TUSC3: variants seen among roughly 807,000 people sequenced by gnomAD.
TUSC3 encodes the protein tumor suppressor candidate 3, also known as dolichyl-diphosphooligosaccharide--protein glycosyltransferase subunit TUSC3.
A neutral mutation model predicts 44.8 loss-of-function variants in TUSC3; 45 were observed. The ratio of observed to expected loss-of-function variants is 1.00; its 90% confidence interval spans 0.79 to 1.29. The LOEUF (loss-of-function observed/expected upper bound fraction) is 1.29. Ranked by LOEUF, TUSC3 falls within the 50% of genes most tolerant of loss-of-function variation. TUSC3 has a pLI of 0.00. For missense variants in TUSC3, 519 were observed against 437.9 expected, an observed-to-expected ratio of 1.19 and a Z score of -1.65; for synonymous variants, 212 against 152.9, an observed-to-expected ratio of 1.39 and a Z score of -2.85.
At chr8:15,734,316 G>A (rs1251030344) in intron 7 of TUSC3, among the ~76,000 whole-genome samples, 2 of 152,100 alleles carry the variant, frequency 1.3e-5, no homozygotes, top group Admixed American at 6.5e-5. Flanking sequence ...AACAGATGGA[G>A]CATTTTGTAT....
intron 1 of TUSC3, among the ~76,000 whole-genome samples, chr8:15,599,823 G>C (rs2129154059): frequency 6.6e-6 from 1 of 150,998 alleles, no homozygotes; most frequent in African/African-American, 2.4e-5. Context: ...TAACTTTGTA[G>C]TGTATGTTGA....
At chr8:15,643,301 C>T (rs544651688) in intron 2 of TUSC3, among the ~76,000 whole-genome samples, 24 of 152,218 alleles carry the variant, frequency 1.6e-4, no homozygotes, top group African/African-American at 5.8e-4. Context: ...TGGACTAATA[C>T]AGTAAGAAAA....
chr8:15,793,480 G>T, the TUSC3 span, among the ~76,000 whole-genome samples: 5 of 150,120 alleles, frequency 3.3e-5, no homozygotes, highest in Non-Finnish European at 5.9e-5. Context: ...GCTCACCACT[G>T]ACCTCTCTTC....
intron 2 of TUSC3, among the ~76,000 whole-genome samples, chr8:15,626,238 C>T (rs1327332499): frequency 6.6e-6 from 1 of 152,198 alleles, no homozygotes; most frequent in Non-Finnish European, 1.5e-5. Context: ...TGTCACCTGC[C>T]ACTTCTACGG....
intron 9 of TUSC3, among the ~76,000 whole-genome samples, chr8:15,752,984 G>A (rs992137918): frequency 6.6e-5 from 10 of 151,842 alleles, no homozygotes; most frequent in Non-Finnish European, 1.5e-4. Flanking sequence ...TGAAACAAAA[G>A]GAAATCTACA....
chr8:15,646,561 T>G (rs1460543423), intron 2 of TUSC3, among the ~76,000 whole-genome samples: 4 of 152,062 alleles, frequency 2.6e-5, no homozygotes, highest in Non-Finnish European at 5.9e-5. Context: ...TAAATTACAT[T>G]TTAGTATTCA....
At chr8:15,681,340 C>A (rs935467215) in intron 6 of TUSC3, among the ~76,000 whole-genome samples, 3 of 151,538 alleles carry the variant, frequency 2.0e-5, no homozygotes, top group Non-Finnish European at 4.4e-5. Flanking sequence ...ATTACTGATT[C>A]AATTTCAGAA....
At chr8:15,735,739 G>A (rs1022406426) in intron 7 of TUSC3, among the ~76,000 whole-genome samples, 8 of 151,890 alleles carry the variant, frequency 5.3e-5, no homozygotes, top group African/African-American at 1.7e-4. Flanking sequence ...CTTCTTGGTC[G>A]CCCAGGCTGG....
chr8:15,417,476 G>A (rs1304852336), intron 1 of TUSC3, among the ~76,000 whole-genome samples: 6 of 152,208 alleles, frequency 3.9e-5, no homozygotes, highest in Admixed American at 3.9e-4. Flanking sequence ...CAGGTGTCAA[G>A]AGAGGAGGCT....
At chr8:15,610,599 C>T (rs965137399) in intron 1 of TUSC3, among the ~76,000 whole-genome samples, 1 of 152,074 alleles carries the variant, frequency 6.6e-6, no homozygotes, top group Non-Finnish European at 1.5e-5. Flanking sequence ...ATGCAAGTTT[C>T]GGAAACAGTT....
rs79646007 is a variant in TUSC3, at chr8:15,464,324, A to C, written n.92-19062A>C. Among the ~76,000 whole-genome samples the C allele has an allele frequency of 1.8e-3, 280 of 152,322 alleles. 1 individual carries two copies. Among genetic ancestry groups the C allele is most frequent in the African/African-American group, 6.5e-3 (270 of 41,576 alleles). On this transcript the variant is annotated intron_variant and non_coding_transcript_variant, in intron 1 of 5. Coordinates refer to the TUSC3 transcript ENST00000503191. ...CCAAGCCCTGAGCACTTGATAATTC[A>C]GGAATAACCATATGGTTATACACAT...
intron 2 of TUSC3, among the ~76,000 whole-genome samples, chr8:15,490,313 T>C (rs772319051): frequency 1.1e-4 from 17 of 152,156 alleles, no homozygotes; most frequent in Non-Finnish European, 2.4e-4. Context: ...TCTGGCAGGA[T>C]TGTCTTTTGG....
the TUSC3 span, among the ~76,000 whole-genome samples, chr8:15,793,332 G>A: frequency 6.6e-6 from 1 of 152,062 alleles, no homozygotes; most frequent in African/African-American, 2.4e-5. Flanking sequence ...GTATTTGCAT[G>A]ACCTTAGCTC....
chr8:15,547,966 T>C (rs1206192592), intron 1 of TUSC3, among the ~76,000 whole-genome samples: 1 of 151,728 alleles, frequency 6.6e-6, no homozygotes, highest in Non-Finnish European at 1.5e-5. Flanking sequence ...TTTCTGTTAT[T>C]TTTAACTTTA....
chr8:15,532,900 C>T (rs1291052492), intron 2 of TUSC3, among the ~76,000 whole-genome samples: 1 of 152,222 alleles, frequency 6.6e-6, no homozygotes, highest in South Asian at 2.1e-4. Flanking sequence ...TCTAGAGATT[C>T]TCCTGCCTCC....
chr8:15,417,878 TAAGTC>T (rs1287940991), intron 1 of TUSC3, among the ~76,000 whole-genome samples: 17 of 152,234 alleles, frequency 1.1e-4, no homozygotes, highest in Middle Eastern at 3.4e-3. Flanking sequence ...CTGTCTTAAT[TAAGTC>T]AAGGAAAGGA....
intron 6 of TUSC3, among the ~76,000 whole-genome samples, chr8:15,694,270 C>G (rs971258212): frequency 1.3e-5 from 2 of 151,832 alleles, no homozygotes; most frequent in East Asian, 2.0e-4. Context: ...TGGTGAAACC[C>G]TGTCTCTACT....
At chr8:15,698,160 TC>T (rs1809249235) in intron 6 of TUSC3, among the ~76,000 whole-genome samples, 1 of 152,202 alleles carries the variant, frequency 6.6e-6, no homozygotes, top group Non-Finnish European at 1.5e-5. Context: ...TAAGCCCTGT[TC>T]CTAAAATGAA....
chr8:15,727,749 A>C (rs2042652364), intron 6 of TUSC3, among the ~76,000 whole-genome samples: 1 of 152,244 alleles, frequency 6.6e-6, no homozygotes, highest in Admixed American at 6.5e-5. Context: ...GGCTAAGATC[A>C]AGTGAACAAG....
Sources: allele counts gnomAD v4.1 joint callset (sites outside exome capture counted in the v4.1 genomes callset), GRCh38; gene constraint gnomAD v4.1.1; transcripts MANE v1.5; gene names NCBI Gene and HGNC (gene_info 2026-07-23, HGNC 2026-07-21).